The following CCSER1 variants were observed in gnomAD, a reference collection of about 807,000 sequenced individuals.
CCSER1 encodes serine-rich coiled-coil domain-containing protein 1.
A neutral mutation model predicts 82.0 loss-of-function variants in CCSER1; 41 were observed. The ratio of observed to expected loss-of-function variants is 0.50; its 90% CI spans 0.39 to 0.65. The LOEUF is 0.65. CCSER1 is among the 30% of genes least tolerant of loss of function. CCSER1 has a pLI of 0.00. For synonymous variants in CCSER1, 414 were observed against 383.9 expected (o/e 1.08, Z -0.92); for missense variants, 1,119 against 1,064.2 (o/e 1.05, Z -0.72).
At position 91,035,559 on chromosome 4, in the gene CCSER1, G is replaced by A. The variant is rs1741362761; in HGVS notation, c.2173-50391G>A. Among the ~76,000 whole-genome samples the A allele has an allele frequency of 2.6e-5, 4 of 152,048 alleles. No homozygotes were observed. The South Asian group carries it at 8.3e-4, about 32-fold the overall frequency. On this transcript the variant is annotated intron_variant, in intron 9 of 10. Coordinates refer to ENST00000509176, the MANE Select transcript of CCSER1 (RefSeq NM_001145065.2). ...TGGTGTGGATTGTTGGGATGGAGGG[G>A]CTACAGGGTACTTCTCTTTTTATTT... is the stretch of plus-strand genomic sequence containing the variant.
At chr4:91,058,131 C>G (rs1333512803) in intron 9 of CCSER1, among the ~76,000 whole-genome samples, 1 of 151,972 alleles carries the variant, frequency 6.6e-6, no homozygotes, top group Non-Finnish European at 1.5e-5. Context: ...AGCCTAGTGC[C>G]TGTTAGTTAT....
intron 10 of CCSER1, among the ~76,000 whole-genome samples, chr4:91,125,610 A>C (rs1484396503): frequency 6.6e-6 from 1 of 151,756 alleles, no homozygotes; most frequent in Non-Finnish European, 1.5e-5. Flanking sequence ...ACCACACACA[A>C]AAATTTCAGA....
At chr4:90,827,990 A>G (rs769159343) in intron 8 of CCSER1, among the ~76,000 whole-genome samples, 1 of 152,146 alleles carries the variant, frequency 6.6e-6, no homozygotes, top group Admixed American at 6.5e-5. Context: ...GGCCCTCAGA[A>G]GAATACATGG....
chr4:91,440,801 C>A (rs906699284), intron 10 of CCSER1, among the ~76,000 whole-genome samples: 5 of 152,090 alleles, frequency 3.3e-5, no homozygotes, highest in Non-Finnish European at 7.4e-5. Context: ...ACCACCAATC[C>A]CACAGAAATA....
chr4:90,162,579 A>G (rs888011688), intron 1 of CCSER1, among the ~76,000 whole-genome samples: 1 of 152,036 alleles, frequency 6.6e-6, no homozygotes, highest in African/African-American at 2.4e-5. Flanking sequence ...AGTATCCTAA[A>G]CAGTATTATA....
chr4:91,445,011 G>A (rs1196668216), intron 10 of CCSER1, among the ~76,000 whole-genome samples: 2 of 152,144 alleles, frequency 1.3e-5, no homozygotes, highest in Admixed American at 6.5e-5. Context: ...TAAAAGCAAA[G>A]ATACAAATGT....
At chr4:90,457,710 C>T (rs2153581711) in intron 4 of CCSER1, among the ~76,000 whole-genome samples, 1 of 152,252 alleles carries the variant, frequency 6.6e-6, no homozygotes, top group African/African-American at 2.4e-5. Flanking sequence ...CCATGGGCGG[C>T]CATGGCTGGG....
intron 10 of CCSER1, among the ~76,000 whole-genome samples, chr4:91,147,602 T>C (rs529320184): frequency 2.0e-5 from 3 of 152,166 alleles, no homozygotes; most frequent in Admixed American, 6.5e-5. Context: ...TTGAATTCCC[T>C]CGGGGTTGGA....
In CCSER1 at chr4:90,475,213, A is replaced by T. The variant is rs1469795214; in HGVS notation, c.1724+6859A>T. Among the ~76,000 whole-genome samples the T allele has an allele frequency of 3.3e-5, 5 of 152,306 alleles. No homozygotes were observed. The East Asian group carries it at 9.7e-4, about 29-fold the overall frequency. ...AATTTTCCTTCATTTACCCTCCATC[A>T]CTTCGTGCCTTCAAATTCTTCCATT... On this transcript the variant is annotated intron_variant, in intron 5 of 10. Coordinates refer to ENST00000509176, the MANE Select transcript of CCSER1 (RefSeq NM_001145065.2).
chr4:91,131,701 T>C (rs1007407209), intron 10 of CCSER1, among the ~76,000 whole-genome samples: 12 of 152,082 alleles, frequency 7.9e-5, no homozygotes, highest in African/African-American at 2.9e-4. Context: ...AAGAAACAGA[T>C]GCAGAGAAAC....
intron 10 of CCSER1, among the ~76,000 whole-genome samples, chr4:91,402,173 C>T (rs1752384352): frequency 6.6e-6 from 1 of 152,036 alleles, no homozygotes; most frequent in Admixed American, 6.6e-5. Context: ...TTTCATGTGT[C>T]TGTTGGCTGC....
intron 6 of CCSER1, among the ~76,000 whole-genome samples, chr4:90,671,740 T>A (rs940987003): frequency 2.6e-5 from 4 of 152,080 alleles, no homozygotes; most frequent in Non-Finnish European, 5.9e-5. Flanking sequence ...TTTTAATTTA[T>A]TTTGCCTAGA....
chr4:91,105,653 G>A (rs1303451483), intron 10 of CCSER1, among the ~76,000 whole-genome samples: 1 of 152,080 alleles, frequency 6.6e-6, no homozygotes, highest in East Asian at 1.9e-4. Flanking sequence ...GCAGTGAGAT[G>A]AGATCACACC....
At chr4:90,706,072 G>T (rs1739285255) in intron 6 of CCSER1, among the ~76,000 whole-genome samples, 1 of 152,190 alleles carries the variant, frequency 6.6e-6, no homozygotes, top group South Asian at 2.1e-4. Context: ...CGCTCATGTT[G>T]GGAGCTGTAG....
At chr4:90,655,602 T>A (rs1435549022) in intron 6 of CCSER1, among the ~76,000 whole-genome samples, 1 of 152,012 alleles carries the variant, frequency 6.6e-6, no homozygotes, top group Non-Finnish European at 1.5e-5. Context: ...ATGAGTAAGA[T>A]CTTTTTGATA....
At chr4:91,141,339 A>G (rs1486419881) in intron 10 of CCSER1, among the ~76,000 whole-genome samples, 1 of 152,040 alleles carries the variant, frequency 6.6e-6, no homozygotes, top group East Asian at 1.9e-4. Context: ...TTTAATAGAG[A>G]CTGGTTTTCA....
intron 1 of CCSER1, among the ~76,000 whole-genome samples, chr4:90,211,050 C>A (rs777542396): frequency 4.6e-5 from 7 of 152,080 alleles, no homozygotes; most frequent in Non-Finnish European, 8.8e-5. Context: ...TAAAAACAGT[C>A]CAGTTTCATA....
At chr4:90,504,587 A>G (rs1770413225) in intron 5 of CCSER1, among the ~76,000 whole-genome samples, 1 of 152,190 alleles carries the variant, frequency 6.6e-6, no homozygotes, top group South Asian at 2.1e-4. Context: ...CATTGTCTCC[A>G]TGTCTAATAA....
intron 10 of CCSER1, among the ~76,000 whole-genome samples, chr4:91,410,096 A>G (rs555900163): frequency 1.3e-5 from 2 of 152,214 alleles, no homozygotes; most frequent in African/African-American, 4.8e-5. Flanking sequence ...CATTTTACTC[A>G]GTCCTGGTTT....
Sources: gnomAD v4.1 joint callset for allele counts (sites outside exome capture counted in the v4.1 genomes callset) on GRCh38, gnomAD v4.1.1 for gene constraint, MANE v1.5 for transcripts, NCBI Gene and HGNC (gene_info 2026-07-23, HGNC 2026-07-21) for gene names.